The following F5 variants were observed in gnomAD, a reference collection of about 807,000 sequenced individuals.
F5 encodes the protein coagulation factor V.
In F5, 138 loss-of-function variants were observed where a neutral mutation model predicts 216.4. The observed-to-expected ratio is 0.64, with a 90% CI of 0.56 to 0.73. F5 has a LOEUF of 0.73. Among genes scored for constraint, F5 ranks in the 30% least tolerant of loss-of-function variants. The pLI is 0.00. For synonymous variants in F5, 916 were observed against 930.7 expected (o/e 0.98, Z 0.29); for missense variants, 2,403 against 2,674.0 (o/e 0.90, Z 2.24).
rs1002803558 is a variant in F5, at chr1:169,515,434, G to T, written c.6528+10C>A. ...CAGATTGCTTTCTCTTTGCCCAGAT[G>T]CCACTCTACCTTGTCCACCATGGAG... On this transcript the variant is annotated intron_variant, in intron 24 of 24. Transcript: ENST00000367797. 1.9e-6 allele frequency: 3 copies of T among 1,612,762 alleles called. No homozygotes were observed. Among genetic ancestry groups the T allele is most frequent in the Non-Finnish European group, 2.5e-6 (3 of 1,179,408 alleles).
At chr1:169,521,631 T>TTTTA (rs1659311070) in intron 21 of F5, among the ~76,000 whole-genome samples, 1 of 145,634 alleles carries the variant, frequency 6.9e-6, no homozygotes, top group African/African-American at 2.5e-5. Context: ...TTTTTTTTTT[T>TTTTA]TTTTTTTTGA....
intron 10 of F5, 87 bp downstream of exon 10, chr1:169,549,714 G>A: frequency 1.1e-6 from 1 of 888,716 alleles, no homozygotes; most frequent in Non-Finnish European, 1.8e-6. Flanking sequence ...TGAAGGAAAT[G>A]CCCCATTATT....
chr1:169,581,360 G>A (rs999671205), intron 2 of F5, among the ~76,000 whole-genome samples: 25 of 152,114 alleles, frequency 1.6e-4, no homozygotes, highest in Admixed American at 1.1e-3. Flanking sequence ...GCGAAGAAAT[G>A]TAGAGAATGA....
chr1:169,525,126 G>T (rs182705079), intron 18 of F5, among the ~76,000 whole-genome samples: 7 of 152,214 alleles, frequency 4.6e-5, no homozygotes, highest in Admixed American at 2.6e-4. Context: ...GAAAGCAACT[G>T]AAATCCTGAA....
intron 2 of F5, 145 bp from the exon 3 acceptor site, chr1:169,572,488 G>C: frequency 1.1e-6 from 1 of 934,338 alleles, no homozygotes; most frequent in Non-Finnish European, 1.7e-6. Flanking sequence ...TTTCAATCTA[G>C]AAGGTTTTAG....
chr1:169,571,315 C>T (rs74124526), intron 3 of F5, among the ~76,000 whole-genome samples: 1,544 of 152,100 alleles, frequency 0.01, 22 homozygotes, highest in African/African-American at 0.034. Context: ...AGAGCTTATC[C>T]GATCCCAGGA....
At chr1:169,523,951 C>A (rs770351842) in intron 19 of F5, 47 bp from the exon 20 acceptor site, 21 of 1,503,470 alleles carry the variant, frequency 1.4e-5, no homozygotes, top group African/African-American at 2.7e-5. Context: ...TTTTAAAAAC[C>A]CAGCAATTTC....
chr1:169,540,913 G>C lies in F5; in HGVS notation c.4177C>G (p.Leu1393Val). ...GGAATTTGACTGAGATCTGCAAAGA[G>C]GGGCATCTCACTGAGGTCTGGGGAA... ...NLSPDLSEMP[L>V]FADLSQIPLT... The change falls in exon 13 of 25, where the codon CTC (leucine) becomes GTC (valine). Residue 1393 changes from leucine to valine, a missense_variant. Physicochemically the swap from Leu to Val is conservative, Grantham distance 32. Around this residue, in one of 4 missense-constraint regions of F5, gnomAD observed 293 missense variants for 270.8 expected, o/e 1.08. Transcript: ENST00000367797. 1 of 1,611,826 alleles carries C rather than the reference G, an allele frequency of 6.2e-7. No homozygotes were observed. The highest frequency in any genetic ancestry group is 1.1e-5 in the South Asian group (1 of 90,764).
intron 14 of F5, among the ~76,000 whole-genome samples, chr1:169,534,776 A>C (rs1659668233): frequency 6.6e-6 from 1 of 152,188 alleles, no homozygotes; most frequent in Non-Finnish European, 1.5e-5. Context: ...ACATGGAATC[A>C]ATCTAGGTGC....
intron 10 of F5, among the ~76,000 whole-genome samples, chr1:169,548,099 C>T (rs888723087): frequency 1.3e-5 from 2 of 152,106 alleles, no homozygotes; most frequent in Admixed American, 6.5e-5. Context: ...AACAGAAAAC[C>T]ACATACTGCA....
Position 169,526,004 on chromosome 1 carries a change from A to C in F5, c.5613T>G (p.Thr1871=). The C allele has an allele frequency of 6.2e-7, 1 of 1,610,222 alleles. No homozygotes were observed. Among genetic ancestry groups the C allele is most frequent in the African/African-American group, 1.3e-5 (1 of 74,942 alleles). Residue 1871 remains threonine (T), a synonymous_variant, in exon 18 of 25, where the codon ACT becomes ACG. Coordinates refer to ENST00000367797, the MANE Select transcript of F5 (RefSeq NM_000130.5). ...VWPLLPGSFK[T]LEMKASKPGW... ...CAGGTTTTGATGCCTTCATTTCAAG[A>C]GTTTTAAATGAACCTAAAATAAAAA...
chr1:169,582,311 TA>T (rs56901113), intron 2 of F5, 119 bp downstream of exon 2: 270 of 525,050 alleles, frequency 5.1e-4, no homozygotes, highest in South Asian at 7.8e-4. Context: ...CAGTACTTCT[TA>T]AAAAAAAAAC....
chr1:169,523,447 A>C, intron 20 of F5, 95 bp from the exon 21 acceptor site: 1 of 1,418,734 alleles, frequency 7.0e-7, no homozygotes, highest in Non-Finnish European at 9.8e-7. Flanking sequence ...TCAGAACTAA[A>C]GAGCTAGCAC....
rs1367060520 is a variant in F5 at position 169,541,663 on chromosome 1, C to G, written c.3427G>C (p.Asp1143His). The G allele has an allele frequency of 1.2e-6, 2 of 1,613,964 alleles. No individual in the cohort carries two copies. ...QDPDQMHSTS[D>H]PSHRSSSPEL... ...GGAGAAGAGGATCTGTGACTGGGGTCTGAAGTAGAGTGCATTTGATCAGGG... is the reference window on the plus strand; with the variant it reads ...GGAGAAGAGGATCTGTGACTGGGGTGTGAAGTAGAGTGCATTTGATCAGGG... The change falls in exon 13 of 25, where the codon GAC becomes CAC. Residue 1143 changes from aspartate (D) to histidine (H), a missense_variant. Around this residue, in one of 4 missense-constraint regions of F5, gnomAD observed 1,425 missense variants for 1,554.8 expected, o/e 0.92. Coordinates refer to ENST00000367797, the MANE Select transcript of F5 (RefSeq NM_000130.5).
In F5 at chr1:169,582,571, T is replaced by A. The variant is rs771967677; in HGVS notation, c.159-49A>T. On this transcript the variant is annotated intron_variant, in intron 1 of 24. Transcript: ENST00000367797. ...ATTTGAAAGGCATATTCAATATCTA[T>A]TTCTCACATTACAAAAAAAGTAGAT... 77 of 985,334 alleles carry A rather than the reference T, an allele frequency of 7.8e-5. 1 individual carries two copies. The highest frequency in any genetic ancestry group is 2.6e-4 in the Middle Eastern group (1 of 3,908). 61.0% of individuals were successfully genotyped at this position (985,334 alleles called of 1,614,324 possible). A position where few individuals can be genotyped will look rare whatever the true frequency, so the allele number is the denominator to read the frequency against.
At chr1:169,554,924 A>G (rs1239921603) in intron 7 of F5, among the ~76,000 whole-genome samples, 1 of 152,256 alleles carries the variant, frequency 6.6e-6, no homozygotes, top group Non-Finnish European at 1.5e-5. Flanking sequence ...CGAAGCTCTC[A>G]GAAAGGGACA....
Position 169,541,007 on chromosome 1 carries a change from G to A in F5, c.4083C>T (p.Pro1361=). The A allele has an allele frequency of 1.3e-6, 2 of 1,591,424 alleles. No homozygotes were observed. Among genetic ancestry groups the A allele is most frequent in the East Asian group, 4.5e-5 (2 of 44,834 alleles). Residue 1361 remains proline, a synonymous_variant, in exon 13 of 25, where the codon CCC becomes CCT. Transcript: ENST00000367797. ...ALGQMPLSPD[P]SHTTLSLDLS... ...GGTCTAGAGAAAGGGTTGTATGGCT[G>A]GGGTCTGGAGAAAGGGGCATCTGAC...
At chr1:169,545,261 C>T (rs1659970438) in intron 11 of F5, among the ~76,000 whole-genome samples, 1 of 152,148 alleles carries the variant, frequency 6.6e-6, no homozygotes, top group Admixed American at 6.5e-5. Context: ...TCTAAATGGT[C>T]TATAACTGCA....
At chr1:169,548,307 T>C (rs1660064091) in intron 10 of F5, among the ~76,000 whole-genome samples, 3 of 152,048 alleles carry the variant, frequency 2.0e-5, no homozygotes, top group African/African-American at 7.2e-5. Flanking sequence ...TGTTTACCTA[T>C]GTAACAAACC....
Sources: gnomAD v4.1 joint callset for allele counts (sites outside exome capture counted in the v4.1 genomes callset) on GRCh38, gnomAD v4.1.1 for gene constraint, gnomAD v4.1.1 regional missense constraint, MANE v1.5 for transcripts, NCBI Gene and HGNC (gene_info 2026-07-23, HGNC 2026-07-21) for gene names.